The following PUS1 variants were observed in gnomAD, a reference collection of about 807,000 sequenced individuals.
The protein encoded by PUS1 is pseudouridylate synthase 1 homolog.
In PUS1, 25 loss-of-function variants were observed where a neutral mutation model predicts 38.5. The observed-to-expected ratio is 0.65, with a 90% confidence interval of 0.47 to 0.91. The LOEUF is 0.91. Ranked by LOEUF, PUS1 falls within the 40% of genes least tolerant of loss-of-function variation. PUS1 has a pLI of 0.00. For synonymous variants in PUS1, 282 were observed against 260.4 expected (o/e 1.08, Z -0.80); for missense variants, 597 against 612.3 (o/e 0.97, Z 0.26).
intron 5 of PUS1, among the ~76,000 whole-genome samples, chr12:131,942,655 C>G (rs1034186068): frequency 1.3e-5 from 2 of 152,218 alleles, no homozygotes; most frequent in Non-Finnish European, 2.9e-5. Context: ...ATCCACCCGC[C>G]TTGGCCTCCC....
Position 131,945,447 on chromosome 12 carries a change from GC to G in PUS1, c.*1862del, listed in dbSNP as rs985982583. 1.5e-4 allele frequency: 23 copies of G among 152,364 alleles called. No individual in the cohort carries two copies. The highest frequency in any genetic ancestry group is 4.3e-4 in the African/African-American group (18 of 41,584). 9.4% of individuals were successfully genotyped at this position (152,364 alleles called of 1,614,324 possible). On this transcript the variant is annotated 3_prime_UTR_variant, in exon 6 of 6. Transcript: ENST00000376649. ...GAATGGGTTTGGAGAACAAGCAGGAGCTTGGTTCTAAGCATGTTAATTTTAC... is the reference window on the plus strand; with the variant it reads ...GAATGGGTTTGGAGAACAAGCAGGAGTTGGTTCTAAGCATGTTAATTTTAC...
chr12:131,942,561 C>T (rs1891129792), intron 5 of PUS1, among the ~76,000 whole-genome samples: 1 of 152,156 alleles, frequency 6.6e-6, no homozygotes, highest in Non-Finnish European at 1.5e-5. Flanking sequence ...CGCCCACCAC[C>T]ACGCCCGGCT....
intron 5 of PUS1, among the ~76,000 whole-genome samples, chr12:131,942,573 A>AT (rs905257489): frequency 3.3e-5 from 5 of 151,910 alleles, no homozygotes; most frequent in East Asian, 3.9e-4. Flanking sequence ...CGCCCGGCTC[A>AT]TTTTTTGTAT....
At chr12:131,936,250 G>C (rs1479686909) in intron 3 of PUS1, among the ~76,000 whole-genome samples, 1 of 151,722 alleles carries the variant, frequency 6.6e-6, no homozygotes, top group Non-Finnish European at 1.5e-5. Context: ...ATTCACTCTT[G>C]TACAATTGAC....
chr12:131,936,039 C>T (rs1031049407), intron 3 of PUS1, among the ~76,000 whole-genome samples: 2 of 151,388 alleles, frequency 1.3e-5, no homozygotes, highest in African/African-American at 2.4e-5. Flanking sequence ...GGTGAAACCC[C>T]GTCTCTACTA....
rs549816742 is a variant in PUS1 at position 131,939,121 on chromosome 12, G to A, written c.442-52G>A. The A allele has an allele frequency of 2.5e-4, 282 of 1,134,524 alleles. 4 individuals are homozygous for A. In the South Asian group the frequency reaches 3.3e-3, roughly 13 times the overall value. The allele number at this position is 1,134,524 out of a possible 1,614,324, so 70.3% of individuals were successfully genotyped here. A position where few individuals can be genotyped will look rare whatever the true frequency, so the allele number is the denominator to read the frequency against. On this transcript the variant is annotated intron_variant, in intron 3 of 5. Coordinates refer to ENST00000376649, the MANE Select transcript of PUS1 (RefSeq NM_025215.6). ...TAGTCCTTCTTTCTCAGAGACCAGC[G>A]TGCGAGGCCCAAGGGACCCACCTTC...
At chr12:131,932,068 C>G (rs1477644122) in intron 2 of PUS1, 107 bp from the exon 3 acceptor site, 1 of 939,548 alleles carries the variant, frequency 1.1e-6, no homozygotes, top group African/African-American at 1.6e-5. Flanking sequence ...CTCAGCACTT[C>G]AGGAGGCCAG....
chr12:131,933,141 G>C (rs1024579562), intron 3 of PUS1, among the ~76,000 whole-genome samples: 2 of 151,694 alleles, frequency 1.3e-5, no homozygotes, highest in Non-Finnish European at 1.5e-5. Flanking sequence ...ATTTGGCGGG[G>C]ACACAGCAAA....
At position 131,941,684 on chromosome 12, in the gene PUS1, G is replaced by T. The variant is rs140088613; in HGVS notation, c.937G>T (p.Val313Leu). 3 of 1,614,070 alleles carry T rather than the reference G, an allele frequency of 1.9e-6. No individual in the cohort carries two copies. The change falls in exon 5 of 6, where the codon GTG becomes TTG. Residue 313 changes from valine to leucine, a missense_variant. Physicochemically the swap from Val to Leu is conservative, Grantham distance 32 (BLOSUM62 1). Transcript: ENST00000376649. The surrounding 1 kb of genome is among the most constrained non-coding windows in gnomAD (Gnocchi z 4.4). ...TGTGAAGGGTTATGCCCCTGAGAGC[G>T]TGCTGGAGCGCAGCTGGGGCACAGA... ...AIVKGYAPESVLERSWGTEKV... is the reference protein window; with the variant it reads ...AIVKGYAPESLLERSWGTEKV...
chr12:131,942,491 C>T (rs984108398), intron 5 of PUS1, among the ~76,000 whole-genome samples: 14 of 152,090 alleles, frequency 9.2e-5, no homozygotes, highest in Non-Finnish European at 1.6e-4. Context: ...ACTGCAAGCT[C>T]CGCCTCCCGG....
At chr12:131,943,054 A>T (rs1391599730) in intron 5 of PUS1, among the ~76,000 whole-genome samples, 3 of 152,240 alleles carry the variant, frequency 2.0e-5, no homozygotes, top group Non-Finnish European at 4.4e-5. Context: ...CAGTGACCGT[A>T]TGCTTAAATG....
intron 3 of PUS1, 136 bp from the exon 4 acceptor site, chr12:131,939,032 TGCCCG>T: frequency 4.3e-6 from 3 of 702,580 alleles, no homozygotes; most frequent in Non-Finnish European, 7.8e-6. Flanking sequence ...TGAGCCACTA[TGCCCG>T]GCCCTCCAGA....
chr12:131,941,806 T>C lies in PUS1; in HGVS notation c.1059T>C (p.His353=), dbSNP rs1593296858. 3 of 1,613,338 alleles carry C rather than the reference T, an allele frequency of 1.9e-6. No homozygotes were observed. Among genetic ancestry groups the C allele is most frequent in the African/African-American group, 1.3e-5 (1 of 74,922 alleles). ...AGCGCTTTGGCAACGATGGGCTGCATGAGCCGCTGGACTGGGCGCAGGAGG... is the reference window on the plus strand; with the variant it reads ...AGCGCTTTGGCAACGATGGGCTGCACGAGCCGCTGGACTGGGCGCAGGAGG... ...YNQRFGNDGL[H]EPLDWAQEEG... The change falls in exon 5 of 6, where the codon CAT becomes CAC. Residue 353 remains histidine (H), a synonymous_variant. Transcript: ENST00000376649. This position sits in a 1 kb window ranked among gnomAD's most constrained non-coding sequence, Gnocchi z 4.4.
intron 2 of PUS1, 113 bp from the exon 3 acceptor site, chr12:131,932,062 G>T: frequency 1.1e-6 from 1 of 892,036 alleles, no homozygotes; most frequent in South Asian, 1.4e-5. Context: ...TGTAATCTCA[G>T]CACTTCAGGA....
chr12:131,935,957 TTC>T (rs1414004800), intron 3 of PUS1, among the ~76,000 whole-genome samples: 2 of 152,146 alleles, frequency 1.3e-5, no homozygotes, highest in African/African-American at 4.8e-5. Flanking sequence ...ACGCCTGTAA[TTC>T]CAGCACTTTG....
rs985215543 is a variant in PUS1, at chr12:131,929,536, A to G, written c.-187A>G. ...CAGCAGGAGTGAGGCTGGGGCGTCC[A>G]GGTCCGAGAGGTCAGGGGTCAGCTG... On this transcript the variant is annotated 5_prime_UTR_variant, in exon 1 of 6. Coordinates refer to ENST00000376649, the MANE Select transcript of PUS1 (RefSeq NM_025215.6). The G allele has an allele frequency of 3.9e-6, 2 of 519,106 alleles. No homozygotes were observed. Among genetic ancestry groups the G allele is most frequent in the Non-Finnish European group, 6.7e-6 (2 of 298,662 alleles). 32.2% of individuals were successfully genotyped at this position (519,106 alleles called of 1,614,324 possible). A position where few individuals can be genotyped will look rare whatever the true frequency, so the allele number is the denominator to read the frequency against.
chr12:131,929,489 C>G lies in PUS1; in HGVS notation c.-234C>G. 4.4e-6 allele frequency: 2 copies of G among 450,096 alleles called. No homozygotes were observed. The highest frequency in any genetic ancestry group is 7.1e-5 in the East Asian group (2 of 28,098). 27.9% of individuals were successfully genotyped at this position (450,096 alleles called of 1,614,324 possible). A position where few individuals can be genotyped will look rare whatever the true frequency, so the allele number is the denominator to read the frequency against. Reference sequence around the variant, plus strand: ...GGGCAGTAGAGACGGGGCTTGGGCGCGGGGCCTGAGAGGTCAGGGGTCAGC... The same window carrying G: ...GGGCAGTAGAGACGGGGCTTGGGCGGGGGGCCTGAGAGGTCAGGGGTCAGC... On this transcript the variant is annotated 5_prime_UTR_variant, in exon 1 of 6. Coordinates refer to ENST00000376649, the MANE Select transcript of PUS1 (RefSeq NM_025215.6).
rs1419651437 is a variant in PUS1 at position 131,941,225 on chromosome 12, A to G, written c.545-67A>G. 5.7e-6 allele frequency: 8 copies of G among 1,406,412 alleles called. No homozygotes were observed. Among genetic ancestry groups the G allele is most frequent in the African/African-American group, 1.4e-5 (1 of 70,522 alleles). 87.1% of individuals were successfully genotyped at this position (1,406,412 alleles called of 1,614,324 possible). A position where few individuals can be genotyped will look rare whatever the true frequency, so the allele number is the denominator to read the frequency against. The stretch of plus-strand genomic sequence containing the variant: ...AGACGCTGGGGCTCACGCCGTGCTC[A>G]GGCTGCTCCCTGGTCATCCAGGCAC... On this transcript the variant is annotated intron_variant, in intron 4 of 5. Transcript: ENST00000376649. This position sits in a 1 kb window ranked among gnomAD's most constrained non-coding sequence, Gnocchi z 4.4.
In PUS1 at chr12:131,941,137, G is replaced by T; in HGVS notation, c.545-155G>T. 1 of 670,532 alleles carries T rather than the reference G, an allele frequency of 1.5e-6. No individual in the cohort carries two copies. The allele number at this position is 670,532 out of a possible 1,614,324, so 41.5% of individuals were successfully genotyped here. A position where few individuals can be genotyped will look rare whatever the true frequency, so the allele number is the denominator to read the frequency against. The stretch of plus-strand genomic sequence containing the variant: ...TCCTCCTGTGCCTGTTCCCCAGCCT[G>T]TGGCTGCCCCCTCCCCAGAGAAGCC... On this transcript the variant is annotated intron_variant, in intron 4 of 5. Coordinates refer to ENST00000376649, the MANE Select transcript of PUS1 (RefSeq NM_025215.6). The surrounding 1 kb of genome is among the most constrained non-coding windows in gnomAD (Gnocchi z 4.4).
Sources: allele counts gnomAD v4.1 joint callset (sites outside exome capture counted in the v4.1 genomes callset), GRCh38; gene constraint gnomAD v4.1.1; non-coding constraint Gnocchi (gnomAD v3.1); transcripts MANE v1.5; gene names NCBI Gene and HGNC (gene_info 2026-07-23, HGNC 2026-07-21).